Variants in COL4A3 observed in about 807,000 individuals in gnomAD.
COL4A3 encodes collagen type IV alpha 3 chain, also known as collagen alpha-3(IV) chain.
COL4A3 carries 135 observed loss-of-function variants against 217.4 expected under a neutral mutation model. That is an observed-to-expected ratio of 0.62 (90% CI 0.54 to 0.72). COL4A3 has a LOEUF of 0.72. Among genes scored for constraint, COL4A3 ranks in the 30% least tolerant of loss-of-function variants. The pLI, the probability that COL4A3 is intolerant of heterozygous loss-of-function variation, is 0.00. For synonymous variants in COL4A3, 690 were observed against 736.3 expected (o/e 0.94, Z 1.02); for missense variants, 1,868 against 2,119.9 (o/e 0.88, Z 2.33).
chr2:227,203,158 C>T lies in COL4A3; in HGVS notation c.88-34810C>T, dbSNP rs1161648255. On this transcript the variant is annotated intron_variant, in intron 1 of 51. Transcript: ENST00000396578. Reference sequence around the variant, plus strand: ...ATATGTGTATATATGTGTATATATACATATATGTGTATATATGTGTATATG... The same window carrying T: ...ATATGTGTATATATGTGTATATATATATATATGTGTATATATGTGTATATG... Among the ~76,000 whole-genome samples the T allele has an allele frequency of 1.2e-3, 22 of 19,076 alleles. 3 individuals carry two copies. Among genetic ancestry groups the T allele is most frequent in the Admixed American group, 2.8e-3 (4 of 1,440 alleles). The allele number at this position is 19,076 out of a possible 152,430, so 12.5% of individuals were successfully genotyped here. A position where few individuals can be genotyped will look rare whatever the true frequency, so the allele number is the denominator to read the frequency against.
chr2:227,238,677 G>C (rs1318436759), intron 2 of COL4A3, among the ~76,000 whole-genome samples: 1 of 151,996 alleles, frequency 6.6e-6, no homozygotes, highest in Non-Finnish European at 1.5e-5. Flanking sequence ...CAACATTGAA[G>C]GATGACTATT....
At chr2:227,248,629 C>A in intron 9 of COL4A3, 109 bp downstream of exon 9, 1 of 732,100 alleles carries the variant, frequency 1.4e-6, no homozygotes, top group East Asian at 2.6e-5. Context: ...CCCTCTCACT[C>A]TCTTAAGAAG....
At chr2:227,244,174 A>T in intron 3 of COL4A3, 146 bp from the exon 4 acceptor site, 1 of 708,806 alleles carries the variant, frequency 1.4e-6, no homozygotes, top group Non-Finnish European at 2.5e-6. Flanking sequence ...CAATGAAATA[A>T]GCAAGCAATT....
chr2:227,238,174 C>T (rs1479184504), intron 2 of COL4A3, 150 bp downstream of exon 2: 2 of 444,142 alleles, frequency 4.5e-6, no homozygotes, highest in African/African-American at 2.8e-5. Flanking sequence ...TAAACATTAA[C>T]CTAAAAAAAA....
At chr2:227,171,542 C>A (rs1315808704) in intron 1 of COL4A3, among the ~76,000 whole-genome samples, 1 of 152,108 alleles carries the variant, frequency 6.6e-6, no homozygotes, top group African/African-American at 2.4e-5. Context: ...AAGCTGTTGG[C>A]GTCTGTCTTA....
chr2:227,199,539 G>C (rs1364708509), intron 1 of COL4A3, among the ~76,000 whole-genome samples: 1 of 152,198 alleles, frequency 6.6e-6, no homozygotes, highest in East Asian at 1.9e-4. Context: ...CAAAGAGATT[G>C]ATTTGAAATT....
At chr2:227,187,006 A>G (rs1200007129) in intron 1 of COL4A3, among the ~76,000 whole-genome samples, 1 of 152,134 alleles carries the variant, frequency 6.6e-6, no homozygotes, top group African/African-American at 2.4e-5. Context: ...GCTTCCTGGA[A>G]CATTCAGTTA....
rs1452221624 is a variant in COL4A3, at chr2:227,248,464, G to A, written c.490G>A (p.Asp164Asn). The part of the protein sequence containing the change: ...GQKGAPAKEE[D>N]IELDAKGDPG... ...CAAGGGTGCTCCTGCTAAAGAAGAA[G>A]ATATAGAACTTGATGCAAAAGGCGA... is the stretch of plus-strand genomic sequence containing the variant. The change falls in exon 9 of 52, where the codon GAT becomes AAT. Residue 164 changes from aspartate to asparagine, a missense_variant. Asp to Asn is a conservative substitution (Grantham distance 23). Transcript: ENST00000396578. 1.2e-6 allele frequency: 2 copies of A among 1,612,672 alleles called. No homozygotes were observed. The highest frequency in any genetic ancestry group is 1.1e-5 in the South Asian group (1 of 91,056).
intron 3 of COL4A3, 57 bp downstream of exon 3, chr2:227,240,289 AC>A: frequency 2.0e-6 from 3 of 1,482,740 alleles, no homozygotes; most frequent in South Asian, 1.2e-5. Context: ...CTTCCTGCCT[AC>A]CCCCTGGCTG....
chr2:227,193,052 C>T (rs1274605697), intron 1 of COL4A3, among the ~76,000 whole-genome samples: 2 of 152,090 alleles, frequency 1.3e-5, no homozygotes, highest in African/African-American at 4.8e-5. Flanking sequence ...GAAACTGAGA[C>T]CCATGCTTTG....
intron 34 of COL4A3, among the ~76,000 whole-genome samples, chr2:227,286,088 G>A (rs1182392990): frequency 2.0e-5 from 3 of 152,190 alleles, no homozygotes; most frequent in Admixed American, 6.5e-5. Flanking sequence ...ATAAAGACGC[G>A]AGGTGCAAAT....
At chr2:227,204,100 A>T (rs557490715) in intron 1 of COL4A3, among the ~76,000 whole-genome samples, 16 of 152,290 alleles carry the variant, frequency 1.1e-4, no homozygotes, top group African/African-American at 3.9e-4. Context: ...TGGCATCTTA[A>T]TAATTCGTAG....
At chr2:227,226,052 G>A (rs13021572) in intron 1 of COL4A3, among the ~76,000 whole-genome samples, 32,053 of 151,960 alleles carry the variant, frequency 0.21, 3,745 homozygotes, top group Non-Finnish European at 0.27. Flanking sequence ...CTTGCTTTAT[G>A]GTATCTTAAT....
Position 227,250,805 on chromosome 2 carries a change from G to A in COL4A3, c.547-335G>A, listed in dbSNP as rs76424303. 6.6e-6 allele frequency among the ~76,000 whole-genome samples: 1 copy of A among 152,092 alleles called. No individual in the cohort carries two copies. Among genetic ancestry groups the A allele is most frequent in the African/African-American group, 2.4e-5 (1 of 41,422 alleles). On this transcript the variant is annotated intron_variant, in intron 9 of 51. Transcript: ENST00000396578. This position sits in a 1 kb window ranked among gnomAD's most constrained non-coding sequence, Gnocchi z 4.1. ...CTAGGCAGAGGGAGAGCAGGTGGCA[G>A]GCCCTAACGTAGGAGCATGCTTGGC... is the stretch of plus-strand genomic sequence containing the variant.
rs1288884956 is a variant in COL4A3, at chr2:227,304,017, A to G, written c.4028-2A>G. On this transcript the variant is annotated splice_acceptor_variant, in intron 45 of 51. Transcript: ENST00000396578. LOFTEE classifies it high-confidence loss of function. ...ATCTTCTTCTTATGTTTATGTCAAC[A>G]GGTGTACGTGGAGACCCTGGCACAC... The G allele has an allele frequency of 6.2e-7, 1 of 1,614,222 alleles. No individual in the cohort carries two copies. The highest frequency in any genetic ancestry group is 1.7e-5 in the Admixed American group (1 of 60,024).
At position 227,174,484 on chromosome 2, in the gene COL4A3, G is replaced by A. The variant is rs192097844; in HGVS notation, c.87+9671G>A. 2.9e-3 allele frequency among the ~76,000 whole-genome samples: 442 copies of A among 151,464 alleles called. 4 individuals are homozygous for A. The highest frequency in any genetic ancestry group is 0.01 in the African/African-American group (424 of 40,928). Reference sequence around the variant, plus strand: ...GCCTGGTACAGAATGCATATCCAGCGTTTTTAGTCTAGTGATTATTATTAT... The same window carrying A: ...GCCTGGTACAGAATGCATATCCAGCATTTTTAGTCTAGTGATTATTATTAT... On this transcript the variant is annotated intron_variant, in intron 1 of 51. Transcript: ENST00000396578.
chr2:227,256,078 G>A lies in COL4A3; in HGVS notation c.933+8G>A. The A allele has an allele frequency of 6.2e-7, 1 of 1,613,744 alleles. No individual in the cohort carries two copies. The highest frequency in any genetic ancestry group is 2.2e-5 in the East Asian group (1 of 44,854). ...GGCTTCCCTGGAAGTGAGGTATAGA[G>A]TTGATTTGGCCTATGGAGGTAGTAA... On this transcript the variant is annotated splice_region_variant and intron_variant, in intron 16 of 51. Coordinates refer to ENST00000396578, the MANE Select transcript of COL4A3 (RefSeq NM_000091.5).
At chr2:227,262,728 G>A (rs975377075) in intron 20 of COL4A3, among the ~76,000 whole-genome samples, 2 of 152,054 alleles carry the variant, frequency 1.3e-5, no homozygotes, top group Non-Finnish European at 2.9e-5. Flanking sequence ...ACTGATTTTT[G>A]TATGTTGATT....
intron 34 of COL4A3, among the ~76,000 whole-genome samples, chr2:227,285,283 A>AAAAAAAT (rs2072249019): frequency 6.7e-6 from 1 of 149,260 alleles, no homozygotes; most frequent in Non-Finnish European, 1.5e-5. Flanking sequence ...AACCTAAAAA[A>AAAAAAAT]AAAAAAAAAA....
Sources: gnomAD v4.1 joint callset for allele counts (sites outside exome capture counted in the v4.1 genomes callset) on GRCh38, gnomAD v4.1.1 for gene constraint, Gnocchi (gnomAD v3.1) non-coding constraint, MANE v1.5 for transcripts, NCBI Gene and HGNC (gene_info 2026-07-23, HGNC 2026-07-21) for gene names.